The following PCDHA3 variants were observed in gnomAD, a reference collection of about 807,000 sequenced individuals.
PCDHA3 encodes protocadherin alpha 3, also known as protocadherin alpha-3.
PCDHA3 carries 41 observed loss-of-function variants against 62.2 expected under a neutral mutation model. The ratio of observed to expected loss-of-function variants is 0.66; its 90% CI spans 0.51 to 0.86. The LOEUF (loss-of-function observed/expected upper bound fraction) is 0.86. Among genes scored for constraint, PCDHA3 ranks in the 40% least tolerant of loss-of-function variants. The pLI, the probability that PCDHA3 is intolerant of heterozygous loss-of-function variation, is 0.00. For synonymous variants in PCDHA3, 640 were observed against 555.4 expected (o/e 1.15, Z -2.14); for missense variants, 1,304 against 1,241.2 (o/e 1.05, Z -0.76).
chr5:140,850,870 C>T (rs2041860936), intron 1 of PCDHA3: 1 of 1,591,890 alleles, frequency 6.3e-7, no homozygotes, highest in African/African-American at 1.3e-5. Context: ...CCCTCTGCTT[C>T]CTCAGATTCA....
chr5:140,819,122 A>C (rs1766495452), intron 1 of PCDHA3, among the ~76,000 whole-genome samples: 1 of 152,188 alleles, frequency 6.6e-6, no homozygotes, highest in Non-Finnish European at 1.5e-5. Flanking sequence ...CTTTCTTACT[A>C]TCCTTATAAT....
chr5:140,868,899 C>T (rs2050726190), intron 1 of PCDHA3: 5 of 804,894 alleles, frequency 6.2e-6, no homozygotes, highest in Admixed American at 3.0e-5. Flanking sequence ...CGCAAGGTGT[C>T]GCTCTTTACT....
chr5:140,857,566 C>G, intron 1 of PCDHA3: 1 of 1,596,798 alleles, frequency 6.3e-7, no homozygotes, highest in South Asian at 1.1e-5. Flanking sequence ...TGTCGAGCTA[C>G]GTGTCGGTGC....
Position 140,969,025 on chromosome 5 carries a change from T to G in PCDHA3, c.2395-9924T>G, listed in dbSNP as rs1554231368. On this transcript the variant is annotated intron_variant, in intron 1 of 3. Transcript: ENST00000522353. ...TCTGTGGAGTAAGGGAAAGGTCCCC[T>G]GCAGAACTGTACAAACAAGCCAACA... The G allele has an allele frequency of 1.9e-6, 3 of 1,614,178 alleles. No individual in the cohort carries two copies. The East Asian group carries it at 6.7e-5, about 36-fold the overall frequency.
chr5:140,951,889 G>A (rs2094649080), intron 1 of PCDHA3, among the ~76,000 whole-genome samples: 1 of 152,142 alleles, frequency 6.6e-6, no homozygotes, highest in Non-Finnish European at 1.5e-5. Flanking sequence ...ACTCTCTTCT[G>A]CCTATGAGCC....
chr5:140,929,077 A>C, intron 1 of PCDHA3: 1 of 1,614,168 alleles, frequency 6.2e-7, no homozygotes, highest in Non-Finnish European at 8.5e-7. Flanking sequence ...GAGGTATGGA[A>C]GTAAGATGGT....
chr5:140,809,129 C>T (rs868934525), intron 1 of PCDHA3: 1 of 1,614,034 alleles, frequency 6.2e-7, no homozygotes, highest in Non-Finnish European at 8.5e-7. Flanking sequence ...CCACCGCCTA[C>T]TGGTACTGGT....
intron 1 of PCDHA3, among the ~76,000 whole-genome samples, chr5:140,950,807 A>G (rs2094520743): frequency 6.6e-6 from 1 of 152,104 alleles, no homozygotes; most frequent in African/African-American, 2.4e-5. Context: ...TGGTTTTACC[A>G]TAGTAGGGTT....
chr5:140,962,855 G>A (rs556272423), intron 1 of PCDHA3, among the ~76,000 whole-genome samples: 286 of 152,196 alleles, frequency 1.9e-3, no homozygotes, highest in Admixed American at 3.8e-3. Context: ...CTTGTGCTCG[G>A]TTTGTAGAGC....
chr5:140,914,288 T>C (rs2076666061), intron 1 of PCDHA3, among the ~76,000 whole-genome samples: 1 of 152,210 alleles, frequency 6.6e-6, no homozygotes, highest in African/African-American at 2.4e-5. Flanking sequence ...ATAATTGTTA[T>C]ATCCTCTTGC....
At chr5:140,951,403 G>A (rs62384504) in intron 1 of PCDHA3, among the ~76,000 whole-genome samples, 5,903 of 152,130 alleles carry the variant, frequency 0.039, 173 homozygotes, top group Non-Finnish European at 0.058. Flanking sequence ...AAGAAAAGAG[G>A]TTTAATTGGC....
At chr5:140,976,740 A>C (rs1425716353) in intron 1 of PCDHA3, among the ~76,000 whole-genome samples, 7 of 152,192 alleles carry the variant, frequency 4.6e-5, no homozygotes, top group African/African-American at 1.7e-4. Flanking sequence ...CACATTTTAA[A>C]AACCTCCCAG....
At chr5:140,926,908 G>C (rs950305439) in intron 1 of PCDHA3, 2 of 1,560,316 alleles carry the variant, frequency 1.3e-6, no homozygotes, top group Admixed American at 1.8e-5. Flanking sequence ...GGGCTGTGGG[G>C]TGGCAGTTTT....
At chr5:140,823,775 C>A (rs2150129029) in intron 1 of PCDHA3, 3 of 1,613,850 alleles carry the variant, frequency 1.9e-6, no homozygotes, top group African/African-American at 2.7e-5. Context: ...GTGCTGGTGT[C>A]GCTGGTGGAA....
intron 1 of PCDHA3, chr5:140,927,524 C>G (rs781824669): frequency 1.2e-6 from 2 of 1,614,104 alleles, no homozygotes; most frequent in Admixed American, 1.7e-5. Flanking sequence ...GGCGGGCTAC[C>G]TGCCCGCTCA....
At chr5:140,829,735 C>G (rs2150173587) in intron 1 of PCDHA3, 4 of 1,613,534 alleles carry the variant, frequency 2.5e-6, no homozygotes, top group Non-Finnish European at 2.5e-6. Flanking sequence ...TGGGCAGCAA[C>G]GTGACGCTGC....
intron 1 of PCDHA3, among the ~76,000 whole-genome samples, chr5:140,911,721 A>G (rs1442469379): frequency 6.6e-6 from 1 of 152,168 alleles, no homozygotes; most frequent in African/African-American, 2.4e-5. Context: ...GTAACTCTGT[A>G]AACAGTTCGT....
At chr5:140,886,690 G>T (rs1321168089) in intron 1 of PCDHA3, among the ~76,000 whole-genome samples, 3 of 151,964 alleles carry the variant, frequency 2.0e-5, no homozygotes, top group African/African-American at 7.2e-5. Flanking sequence ...GCGAGGCATG[G>T]TGGCACGCGC....
At chr5:141,006,644 T>C (rs1411431797) in intron 3 of PCDHA3, among the ~76,000 whole-genome samples, 3 of 152,084 alleles carry the variant, frequency 2.0e-5, no homozygotes, top group African/African-American at 7.2e-5. Context: ...ATATAAGAGA[T>C]GATGGTGTCC....
Sources: allele counts gnomAD v4.1 joint callset (sites outside exome capture counted in the v4.1 genomes callset), GRCh38; gene constraint gnomAD v4.1.1; transcripts MANE v1.5; gene names NCBI Gene and HGNC (gene_info 2026-07-23, HGNC 2026-07-21).